RALGAPA2: variants seen among roughly 807,000 people sequenced by gnomAD.
RALGAPA2 encodes the protein ral GTPase-activating protein subunit alpha-2.
A neutral mutation model predicts 230.4 loss-of-function variants in RALGAPA2; 139 were observed. The ratio of observed to expected loss-of-function variants is 0.60; its 90% confidence interval spans 0.53 to 0.69. RALGAPA2 has a LOEUF of 0.69. Ranked by LOEUF, RALGAPA2 falls within the 30% of genes least tolerant of loss-of-function variation. The probability of loss-of-function intolerance (pLI) is 0.00; values close to 1 mark genes in which losing one functional copy is unlikely to be tolerated. For synonymous variants in RALGAPA2, 847 were observed against 837.8 expected (o/e 1.01, Z -0.19); for missense variants, 2,163 against 2,276.0 (o/e 0.95, Z 1.01).
intron 1 of RALGAPA2, among the ~76,000 whole-genome samples, chr20:20,707,222 A>G (rs2069642816): frequency 6.6e-6 from 1 of 152,240 alleles, no homozygotes; most frequent in Admixed American, 6.5e-5. Context: ...TGAAAATGGC[A>G]GCCTCAATCC....
At chr20:20,451,272 A>C (rs1236573468) in intron 37 of RALGAPA2, among the ~76,000 whole-genome samples, 1 of 152,234 alleles carries the variant, frequency 6.6e-6, no homozygotes, top group Non-Finnish European at 1.5e-5. Flanking sequence ...TGTGCATTTG[A>C]ATTCCTATCT....
intron 38 of RALGAPA2, among the ~76,000 whole-genome samples, chr20:20,407,715 C>T (rs906356076): frequency 3.9e-5 from 6 of 152,208 alleles, no homozygotes; most frequent in African/African-American, 1.4e-4. Context: ...GCAAACTTAA[C>T]ATAACGACTG....
At chr20:20,530,043 G>A (rs1379932841) in intron 27 of RALGAPA2, among the ~76,000 whole-genome samples, 3 of 152,212 alleles carry the variant, frequency 2.0e-5, no homozygotes, top group African/African-American at 7.2e-5. Flanking sequence ...TAGCCAACTT[G>A]TTTTCACTTT....
chr20:20,603,522 C>T (rs1337860747), intron 15 of RALGAPA2, among the ~76,000 whole-genome samples: 1 of 152,168 alleles, frequency 6.6e-6, no homozygotes, highest in African/African-American at 2.4e-5. Flanking sequence ...ACTTGAAATG[C>T]ACTTGAAAAT....
intron 36 of RALGAPA2, among the ~76,000 whole-genome samples, chr20:20,491,210 C>T (rs114919298): frequency 1.1e-4 from 16 of 152,280 alleles, no homozygotes; most frequent in East Asian, 1.9e-4. Context: ...TCCCCTCCTA[C>T]GCTTTTCACA....
chr20:20,459,732 CAA>C (rs1282069889), intron 37 of RALGAPA2, among the ~76,000 whole-genome samples: 4 of 152,152 alleles, frequency 2.6e-5, no homozygotes, highest in Non-Finnish European at 5.9e-5. Flanking sequence ...AACAAATTAA[CAA>C]AGTTATGACA....
At chr20:20,508,571 C>T (rs1464419169) in intron 33 of RALGAPA2, among the ~76,000 whole-genome samples, 1 of 152,188 alleles carries the variant, frequency 6.6e-6, no homozygotes, top group African/African-American at 2.4e-5. Context: ...CAATCTAGAC[C>T]ATAGCTGCAA....
At chr20:20,420,663 C>T (rs1265437135) in intron 37 of RALGAPA2, among the ~76,000 whole-genome samples, 1 of 152,134 alleles carries the variant, frequency 6.6e-6, no homozygotes, top group Admixed American at 6.5e-5. Flanking sequence ...TGAGGCACTA[C>T]ACACAAGGAG....
At chr20:20,645,616 T>C (rs1376618302) in intron 4 of RALGAPA2, among the ~76,000 whole-genome samples, 1 of 152,184 alleles carries the variant, frequency 6.6e-6, no homozygotes, top group Non-Finnish European at 1.5e-5. Flanking sequence ...AATACATATG[T>C]ATTTGATCTA....
At chr20:20,566,730 C>T (rs1228177573) in intron 23 of RALGAPA2, among the ~76,000 whole-genome samples, 1 of 152,186 alleles carries the variant, frequency 6.6e-6, no homozygotes, top group Non-Finnish European at 1.5e-5. Context: ...CAGAGCACAG[C>T]AAACCCAAAT....
intron 37 of RALGAPA2, among the ~76,000 whole-genome samples, chr20:20,419,238 C>T (rs1035345256): frequency 6.6e-5 from 10 of 152,024 alleles, no homozygotes; most frequent in South Asian, 2.1e-4. Context: ...TTCCTTAGAA[C>T]GTATGTAAAT....
intron 36 of RALGAPA2, 108 bp from the exon 37 acceptor site, chr20:20,473,064 A>G (rs2061574861): frequency 8.1e-7 from 1 of 1,233,208 alleles, no homozygotes; most frequent in Non-Finnish European, 1.1e-6. Context: ...TTAAGCTGTC[A>G]CCCACAGAGC....
intron 37 of RALGAPA2, among the ~76,000 whole-genome samples, chr20:20,427,205 A>G (rs1192116493): frequency 6.6e-6 from 1 of 151,970 alleles, no homozygotes; most frequent in African/African-American, 2.4e-5. Flanking sequence ...CCCTTCTTCC[A>G]CTCTCTCCAG....
At chr20:20,500,342 C>A (rs933507415) in intron 35 of RALGAPA2, among the ~76,000 whole-genome samples, 7 of 152,204 alleles carry the variant, frequency 4.6e-5, no homozygotes, top group African/African-American at 1.7e-4. Context: ...TATTTTCAAA[C>A]CCTGTCACTG....
At chr20:20,682,806 A>T (rs2068566809) in intron 1 of RALGAPA2, among the ~76,000 whole-genome samples, 1 of 152,142 alleles carries the variant, frequency 6.6e-6, no homozygotes, top group South Asian at 2.1e-4. Context: ...TAAAATAATG[A>T]CTACAACTTA....
intron 33 of RALGAPA2, among the ~76,000 whole-genome samples, chr20:20,509,090 C>T (rs1172688923): frequency 6.6e-6 from 1 of 152,152 alleles, no homozygotes; most frequent in Admixed American, 6.5e-5. Context: ...GAGTGTGGAA[C>T]CCAAATGACT....
At chr20:20,523,311 G>A (rs2063101080) in intron 30 of RALGAPA2, among the ~76,000 whole-genome samples, 1 of 152,086 alleles carries the variant, frequency 6.6e-6, no homozygotes, top group Admixed American at 6.5e-5. Context: ...GGAAGGGATG[G>A]GGGGTTAACT....
At position 20,472,087 on chromosome 20, in the gene RALGAPA2, A is replaced by G. The variant is rs1481219217; in HGVS notation, c.5495+742T>C. ...TTTTTTGCATCAATTTTATAAGGTC[A>G]CCCATCTTAATCTCTTTTTCTTATA... On this transcript the variant is annotated intron_variant, in intron 37 of 39. Coordinates refer to ENST00000202677, the MANE Select transcript of RALGAPA2 (RefSeq NM_020343.4). The G allele has an allele frequency of 2.0e-5, 3 of 152,300 alleles. No homozygotes were observed. In the East Asian group the frequency reaches 5.8e-4, roughly 29 times the overall value. The allele number at this position is 152,300 out of a possible 1,614,324, so 9.4% of individuals were successfully genotyped here.
chr20:20,560,903 C>T (rs2064238158), intron 23 of RALGAPA2, among the ~76,000 whole-genome samples: 2 of 152,220 alleles, frequency 1.3e-5, no homozygotes, highest in African/African-American at 4.8e-5. Context: ...GTACCATTGC[C>T]TACTGAAGGC....
Sources: gnomAD v4.1 joint callset for allele counts (sites outside exome capture counted in the v4.1 genomes callset) on GRCh38, gnomAD v4.1.1 for gene constraint, MANE v1.5 for transcripts, NCBI Gene and HGNC (gene_info 2026-07-23, HGNC 2026-07-21) for gene names.